Variants in NAALADL2 observed in about 807,000 individuals in gnomAD.
The protein encoded by NAALADL2 is N-acetylated alpha-linked acidic dipeptidase like 2.
Under a neutral mutation model 87.2 loss-of-function variants are expected in NAALADL2, and 76 were observed. The observed-to-expected ratio is 0.87, with a 90% CI of 0.72 to 1.05. The LOEUF is 1.05. Ranked by LOEUF, NAALADL2 falls within the 50% of genes least tolerant of loss-of-function variation. The pLI is 0.00. For missense variants in NAALADL2, 1,089 were observed against 945.8 expected, an observed-to-expected ratio of 1.15 and a Z score of -1.99; for synonymous variants, 354 against 331.0, an observed-to-expected ratio of 1.07 and a Z score of -0.75.
chr3:174,753,429 G>C (rs1711532868), intron 3 of NAALADL2, among the ~76,000 whole-genome samples: 1 of 152,184 alleles, frequency 6.6e-6, no homozygotes, highest in African/African-American at 2.4e-5. Flanking sequence ...AGGATTAAAT[G>C]ACCATGGTAG....
intron 10 of NAALADL2, among the ~76,000 whole-genome samples, chr3:175,595,947 ATTC>A (rs1205691252): frequency 6.6e-6 from 1 of 152,014 alleles, no homozygotes; most frequent in East Asian, 1.9e-4. Context: ...ATCCTAAGTT[ATTC>A]TTCTATTCAT....
At chr3:175,656,788 T>C (rs1355300260) in intron 11 of NAALADL2, among the ~76,000 whole-genome samples, 1 of 151,906 alleles carries the variant, frequency 6.6e-6, no homozygotes, top group African/African-American at 2.4e-5. Flanking sequence ...ATTCATTAAC[T>C]ATCACTCTTA....
chr3:175,120,727 C>T (rs1726024165), intron 2 of NAALADL2, among the ~76,000 whole-genome samples: 1 of 151,830 alleles, frequency 6.6e-6, no homozygotes. Flanking sequence ...AACACCTGTG[C>T]TGTATTGTTT....
intron 2 of NAALADL2, among the ~76,000 whole-genome samples, chr3:175,201,694 CT>C (rs1295175313): frequency 6.6e-6 from 1 of 150,984 alleles, no homozygotes; most frequent in Non-Finnish European, 1.5e-5. Flanking sequence ...CACTAATTTC[CT>C]TTTGTATGCT....
At chr3:175,706,191 G>T (rs759826009) in intron 11 of NAALADL2, among the ~76,000 whole-genome samples, 1 of 152,010 alleles carries the variant, frequency 6.6e-6, no homozygotes, top group African/African-American at 2.4e-5. Flanking sequence ...TTGCCCATTC[G>T]AATCATATCT....
chr3:174,604,658 TTTCCTTTC>T (rs556732681), intron 2 of NAALADL2, among the ~76,000 whole-genome samples: 111 of 152,132 alleles, frequency 7.3e-4, no homozygotes, highest in Middle Eastern at 3.4e-3. Flanking sequence ...TGTTCTCTTC[TTTCCTTTC>T]TTCCTTTCTT....
intron 5 of NAALADL2, among the ~76,000 whole-genome samples, chr3:175,430,024 A>G (rs1042953552): frequency 9.2e-5 from 14 of 152,018 alleles, no homozygotes; most frequent in African/African-American, 3.1e-4. Context: ...AATGGTCTTT[A>G]GCTTAACTTC....
intron 2 of NAALADL2, among the ~76,000 whole-genome samples, chr3:175,122,473 T>C (rs550096352): frequency 4.6e-5 from 7 of 151,966 alleles, no homozygotes; most frequent in Admixed American, 2.6e-4. Context: ...ACATTAAATA[T>C]TGGAAGCCAA....
chr3:174,557,011 G>T (rs953925162), intron 2 of NAALADL2, among the ~76,000 whole-genome samples: 2 of 152,086 alleles, frequency 1.3e-5, no homozygotes, highest in African/African-American at 2.4e-5. Context: ...CTCCCAAAGT[G>T]CTGGGATTAC....
At chr3:175,508,173 G>A (rs1439388489) in intron 9 of NAALADL2, among the ~76,000 whole-genome samples, 3 of 152,130 alleles carry the variant, frequency 2.0e-5, no homozygotes, top group Admixed American at 6.5e-5. Flanking sequence ...TATCACCAAG[G>A]GGATGACCCA....
At chr3:175,343,751 C>A (rs779156694) in intron 5 of NAALADL2, among the ~76,000 whole-genome samples, 6 of 146,264 alleles carry the variant, frequency 4.1e-5, no homozygotes, top group African/African-American at 1.0e-4. Flanking sequence ...TGAAAATATG[C>A]CATGTATGCA....
chr3:174,955,740 T>C (rs1054343845), intron 1 of NAALADL2, among the ~76,000 whole-genome samples: 6 of 152,110 alleles, frequency 3.9e-5, no homozygotes, highest in African/African-American at 1.4e-4. Context: ...AGTGTTTTTA[T>C]AACTTTAGTG....
intron 2 of NAALADL2, among the ~76,000 whole-genome samples, chr3:175,123,563 T>C (rs912318680): frequency 6.6e-6 from 1 of 151,898 alleles, no homozygotes; most frequent in African/African-American, 2.4e-5. Flanking sequence ...TTTCGGACTT[T>C]CTCTTTCTAC....
intron 1 of NAALADL2, among the ~76,000 whole-genome samples, chr3:174,449,165 T>C (rs994256471): frequency 3.9e-5 from 6 of 152,166 alleles, no homozygotes; most frequent in Non-Finnish European, 7.3e-5. Flanking sequence ...GTTGATATGG[T>C]GCAGTCTCAT....
At chr3:174,557,574 A>G (rs958119634) in intron 2 of NAALADL2, among the ~76,000 whole-genome samples, 5 of 152,316 alleles carry the variant, frequency 3.3e-5, no homozygotes, top group Non-Finnish European at 7.4e-5. Context: ...TTCAGTAAAT[A>G]TGCAACTAGT....
chr3:175,237,319 G>A (rs1215623625), intron 3 of NAALADL2, among the ~76,000 whole-genome samples: 1 of 152,076 alleles, frequency 6.6e-6, no homozygotes, highest in African/African-American at 2.4e-5. Flanking sequence ...CAGGCCTAAA[G>A]TATTTTAATA....
At chr3:174,659,630 GTCT>G (rs1689700808) in intron 2 of NAALADL2, among the ~76,000 whole-genome samples, 1 of 152,108 alleles carries the variant, frequency 6.6e-6, no homozygotes, top group Non-Finnish European at 1.5e-5. Flanking sequence ...GAACTCACTG[GTCT>G]TCTAATCTCT....
chr3:174,910,755 T>C (rs1733586670), intron 1 of NAALADL2, among the ~76,000 whole-genome samples: 1 of 152,088 alleles, frequency 6.6e-6, no homozygotes, highest in African/African-American at 2.4e-5. Flanking sequence ...ACCTGTGACA[T>C]GTGACTTGAC....
intron 10 of NAALADL2, among the ~76,000 whole-genome samples, chr3:175,618,077 C>G (rs975188928): frequency 2.0e-5 from 3 of 152,172 alleles, no homozygotes; most frequent in Admixed American, 2.0e-4. Flanking sequence ...GCAGGGCAAC[C>G]TCCTTCTCAG....
Sources: allele counts gnomAD v4.1 joint callset (sites outside exome capture counted in the v4.1 genomes callset), GRCh38; gene constraint gnomAD v4.1.1; transcripts MANE v1.5; gene names NCBI Gene and HGNC (gene_info 2026-07-23, HGNC 2026-07-21).